Variants in KANK1 observed in about 807,000 individuals in gnomAD.
KANK1 encodes KN motif and ankyrin repeat domain-containing protein 1.
A neutral mutation model predicts 106.2 loss-of-function variants in KANK1; 109 were observed. The ratio of observed to expected loss-of-function variants is 1.03; its 90% CI spans 0.88 to 1.20. KANK1 has a LOEUF of 1.20. KANK1 is among the 50% of genes most tolerant of loss of function. The probability of loss-of-function intolerance (pLI) is 0.00; values close to 1 mark genes in which losing one functional copy is unlikely to be tolerated. For missense variants in KANK1, 2,399 were observed against 1,710.7 expected (o/e 1.40, Z -7.10); for synonymous variants, 873 against 652.2 (o/e 1.34, Z -5.16).
intron 3 of KANK1, among the ~76,000 whole-genome samples, chr9:474,390 A>G (rs1199977959): frequency 6.6e-6 from 1 of 152,192 alleles, no homozygotes; most frequent in Admixed American, 6.5e-5. Context: ...TATTGGACAT[A>G]TTGATTAATT....
At chr9:532,606 A>T (rs1412630583) in intron 1 of KANK1, among the ~76,000 whole-genome samples, 1 of 152,050 alleles carries the variant, frequency 6.6e-6, no homozygotes, top group Non-Finnish European at 1.5e-5. Flanking sequence ...ATTTAGACAT[A>T]TAGTTGATAC....
intron 2 of KANK1, chr9:471,490 A>T (rs986579894): frequency 2.0e-5 from 3 of 152,284 alleles, no homozygotes; most frequent in Non-Finnish European, 4.4e-5. Flanking sequence ...CTCCCTCCTT[A>T]TGCGGGCCTC....
At position 577,957 on chromosome 9, in the gene KANK1, G is replaced by A. The variant is rs554508053; in HGVS notation, c.-84+73203G>A. Among the ~76,000 whole-genome samples, 151 of 152,254 alleles carry A rather than the reference G, an allele frequency of 9.9e-4. 2 individuals carry two copies. Among genetic ancestry groups the A allele is most frequent in the African/African-American group, 3.4e-3 (143 of 41,528 alleles). ...AAAGCCCCAAAGAGTGCTAGTTGTT[G>A]ATCATTACCTGTGCACACATCATTC... is the stretch of plus-strand genomic sequence containing the variant. On this transcript the variant is annotated intron_variant, in intron 1 of 11. Transcript: ENST00000382297.
intron 1 of KANK1, among the ~76,000 whole-genome samples, chr9:622,084 C>T (rs904362775): frequency 1.1e-4 from 17 of 151,944 alleles, no homozygotes; most frequent in African/African-American, 4.1e-4. Context: ...AGCTTTTGTT[C>T]GTTTGTTGTG....
chr9:728,357 G>A (rs919603227), intron 3 of KANK1, among the ~76,000 whole-genome samples: 1 of 151,978 alleles, frequency 6.6e-6, no homozygotes, highest in Non-Finnish European at 1.5e-5. Context: ...CCCACCATGC[G>A]TGGCTAATTT....
intron 1 of KANK1, among the ~76,000 whole-genome samples, chr9:576,466 C>T (rs1247113682): frequency 6.6e-6 from 1 of 152,224 alleles, no homozygotes; most frequent in East Asian, 1.9e-4. Flanking sequence ...AGTTCCCTTG[C>T]ATTTAGCCCT....
chr9:641,197 C>G (rs1838352895), intron 1 of KANK1, among the ~76,000 whole-genome samples: 1 of 152,172 alleles, frequency 6.6e-6, no homozygotes, highest in South Asian at 2.1e-4. Context: ...CAGTAAGAAA[C>G]TGGGTTCTCC....
chr9:501,489 T>C (rs1006058429), upstream of KANK1, among the ~76,000 whole-genome samples: 1 of 152,200 alleles, frequency 6.6e-6, no homozygotes, highest in African/African-American at 2.4e-5. Flanking sequence ...GCTAAGGGCT[T>C]ATGTATTGAC....
At chr9:683,407 G>C (rs575085800) in intron 2 of KANK1, among the ~76,000 whole-genome samples, 2 of 152,156 alleles carry the variant, frequency 1.3e-5, no homozygotes, top group Non-Finnish European at 2.9e-5. Context: ...AAGCACGTAG[G>C]TAAGAACTAA....
intron 1 of KANK1, among the ~76,000 whole-genome samples, chr9:657,430 T>G (rs1023461710): frequency 6.6e-6 from 1 of 152,166 alleles, no homozygotes; most frequent in East Asian, 1.9e-4. Context: ...CTATTTCTTA[T>G]TTTTTTGAGG....
At chr9:646,668 C>A (rs1341912360) in intron 1 of KANK1, among the ~76,000 whole-genome samples, 1 of 149,738 alleles carries the variant, frequency 6.7e-6, no homozygotes, top group African/African-American at 2.5e-5. Context: ...AGCAGTTCGC[C>A]TGATCATTTT....
intron 1 of KANK1, among the ~76,000 whole-genome samples, chr9:567,994 GT>G (rs60885769): frequency 0.067 from 9,885 of 147,150 alleles, 772 homozygotes; most frequent in East Asian, 0.22. Context: ...GGCATTGTTG[GT>G]TTTTTTTTTT....
At chr9:636,962 G>A (rs993960365) in intron 1 of KANK1, among the ~76,000 whole-genome samples, 1 of 152,188 alleles carries the variant, frequency 6.6e-6, no homozygotes, top group African/African-American at 2.4e-5. Flanking sequence ...TTTAGACTTT[G>A]CCAGTCCTTC....
intron 1 of KANK1, among the ~76,000 whole-genome samples, chr9:514,135 C>CCTCCCTCCCTCT (rs2059159162): frequency 6.3e-5 from 5 of 79,056 alleles, no homozygotes; most frequent in Non-Finnish European, 1.1e-4. Flanking sequence ...TCTCTCCCTC[C>CCTCCCTCCCTCT]CTCCCTCCCT....
chr9:565,278 A>C (rs1412242101), intron 1 of KANK1, among the ~76,000 whole-genome samples: 2 of 152,188 alleles, frequency 1.3e-5, no homozygotes, highest in African/African-American at 4.8e-5. Context: ...CTTCATCTTT[A>C]AGACTTAAGC....
intron 1 of KANK1, among the ~76,000 whole-genome samples, chr9:586,911 C>T (rs950001055): frequency 1.3e-5 from 2 of 152,170 alleles, no homozygotes; most frequent in African/African-American, 4.8e-5. Context: ...TTCCAAAATG[C>T]GTAGCAGTCT....
At chr9:504,809 G>C (rs978685247) in intron 1 of KANK1, 55 bp downstream of exon 1, 8 of 143,744 alleles carry the variant, frequency 5.6e-5, no homozygotes, top group Non-Finnish European at 1.2e-4. Context: ...GGTTGTCCCG[G>C]AGCGCGAGGC....
intron 2 of KANK1, chr9:677,543 T>G (rs915553355): frequency 1.3e-5 from 2 of 152,282 alleles, no homozygotes; most frequent in African/African-American, 2.4e-5. Context: ...GAGACTTACA[T>G]AGTTTCACTT....
At chr9:603,110 G>A (rs1828191467) in intron 1 of KANK1, among the ~76,000 whole-genome samples, 1 of 151,810 alleles carries the variant, frequency 6.6e-6, no homozygotes, top group Non-Finnish European at 1.5e-5. Context: ...ATAGATCTAA[G>A]AGTAGATTTA....
Sources: allele counts gnomAD v4.1 joint callset (sites outside exome capture counted in the v4.1 genomes callset), GRCh38; gene constraint gnomAD v4.1.1; transcripts MANE v1.5; gene names NCBI Gene and HGNC (gene_info 2026-07-23, HGNC 2026-07-21).